The following TMEM163 variants were observed in gnomAD, a reference collection of about 807,000 sequenced individuals.
TMEM163 encodes the protein transmembrane protein 163.
Under a neutral mutation model 29.3 loss-of-function variants are expected in TMEM163, and 17 were observed. The observed-to-expected ratio is 0.58, with a 90% confidence interval of 0.40 to 0.87. TMEM163 has a LOEUF of 0.87. TMEM163 is among the 40% of genes least tolerant of loss of function. The pLI, the probability that TMEM163 is intolerant of heterozygous loss-of-function variation, is 0.00. For synonymous variants in TMEM163, 157 were observed against 160.6 expected, an observed-to-expected ratio of 0.98 and a Z score of 0.17; for missense variants, 303 against 381.5, an observed-to-expected ratio of 0.79 and a Z score of 1.71.
chr2:134,580,597 G>T (rs1338455662), intron 2 of TMEM163, among the ~76,000 whole-genome samples: 1 of 152,102 alleles, frequency 6.6e-6, no homozygotes, highest in Non-Finnish European at 1.5e-5. Context: ...ATTAGCCCAA[G>T]ATCAATGCAA....
At chr2:134,554,409 C>T (rs977678148) in intron 2 of TMEM163, among the ~76,000 whole-genome samples, 6 of 122,186 alleles carry the variant, frequency 4.9e-5, no homozygotes, top group East Asian at 4.7e-4. Flanking sequence ...GGTGACAGAG[C>T]GAGACCCCAT....
At chr2:134,524,049 C>T (rs180873988) in intron 4 of TMEM163, among the ~76,000 whole-genome samples, 1 of 152,166 alleles carries the variant, frequency 6.6e-6, no homozygotes, top group Non-Finnish European at 1.5e-5. Flanking sequence ...TATTTTAGAG[C>T]CTTGCAACCC....
chr2:134,637,716 C>T (rs1683134837), intron 2 of TMEM163, among the ~76,000 whole-genome samples: 1 of 152,172 alleles, frequency 6.6e-6, no homozygotes, highest in Non-Finnish European at 1.5e-5. Flanking sequence ...CACCATCACT[C>T]ACCAATTCAC....
chr2:134,552,463 T>C (rs1680952666), intron 2 of TMEM163, among the ~76,000 whole-genome samples: 1 of 152,084 alleles, frequency 6.6e-6, no homozygotes, highest in Non-Finnish European at 1.5e-5. Flanking sequence ...TAAGGTGGTG[T>C]GGCTAAGTAA....
At chr2:134,577,056 G>T (rs1294074447) in intron 2 of TMEM163, among the ~76,000 whole-genome samples, 1 of 152,106 alleles carries the variant, frequency 6.6e-6, no homozygotes, top group East Asian at 1.9e-4. Context: ...GTGAATTCCT[G>T]CTCCAACCTT....
chr2:134,591,044 G>A (rs1387563593), intron 2 of TMEM163, among the ~76,000 whole-genome samples: 1 of 152,162 alleles, frequency 6.6e-6, no homozygotes, highest in African/African-American at 2.4e-5. Flanking sequence ...AGTAACTCAA[G>A]CTAAGGGCCT....
chr2:134,491,370 G>A (rs1423715331), intron 5 of TMEM163, among the ~76,000 whole-genome samples: 1 of 152,084 alleles, frequency 6.6e-6, no homozygotes, highest in Non-Finnish European at 1.5e-5. Flanking sequence ...GGGGTGGGGA[G>A]TTCACCCCAT....
In TMEM163 at chr2:134,552,541, C is replaced by T. The variant is rs145705774; in HGVS notation, c.323-450G>A. On this transcript the variant is annotated intron_variant, in intron 2 of 7. Transcript: ENST00000281924. Reference sequence around the variant, plus strand: ...ACCAGAGTTTAAAATCCAATGTAGACACCAGTAACAGTTGTTTAGAAAAGA... The same window carrying T: ...ACCAGAGTTTAAAATCCAATGTAGATACCAGTAACAGTTGTTTAGAAAAGA... 2.0e-3 allele frequency among the ~76,000 whole-genome samples: 309 copies of T among 151,970 alleles called. 1 individual carries two copies. The highest frequency in any genetic ancestry group is 6.8e-3 in the African/African-American group (280 of 41,410).
At chr2:134,663,254 C>T (rs770804904) in intron 2 of TMEM163, among the ~76,000 whole-genome samples, 1 of 152,214 alleles carries the variant, frequency 6.6e-6, no homozygotes, top group Non-Finnish European at 1.5e-5. Flanking sequence ...TTGCTTAAGG[C>T]AGCTCAGGCT....
intron 2 of TMEM163, among the ~76,000 whole-genome samples, chr2:134,683,104 A>T (rs998750361): frequency 2.0e-5 from 3 of 152,258 alleles, no homozygotes; most frequent in Admixed American, 6.5e-5. Flanking sequence ...GGAGGAGAAG[A>T]TGAATAGGTG....
intron 1 of TMEM163, chr2:134,713,558 G>C (rs1427550581): frequency 3.1e-6 from 2 of 652,850 alleles, no homozygotes. Flanking sequence ...GGTAACAGCA[G>C]CTGTCCTCTT....
intron 2 of TMEM163, among the ~76,000 whole-genome samples, chr2:134,706,157 G>A (rs1684807485): frequency 6.6e-6 from 1 of 152,206 alleles, no homozygotes; most frequent in South Asian, 2.1e-4. Flanking sequence ...GCAAGTCCCT[G>A]TCAATAGAAG....
intron 2 of TMEM163, among the ~76,000 whole-genome samples, chr2:134,667,351 C>A (rs1440237060): frequency 6.6e-6 from 1 of 152,228 alleles, no homozygotes; most frequent in African/African-American, 2.4e-5. Flanking sequence ...TGAGTGCAAA[C>A]TGTGTTTTCC....
chr2:134,489,168 T>C (rs1338409909), intron 5 of TMEM163, among the ~76,000 whole-genome samples: 2 of 152,180 alleles, frequency 1.3e-5, no homozygotes, highest in African/African-American at 4.8e-5. Context: ...AATAAAAAAC[T>C]GGAAACTACC....
intron 6 of TMEM163, among the ~76,000 whole-genome samples, chr2:134,461,933 C>T (rs538890899): frequency 6.6e-6 from 1 of 152,320 alleles, no homozygotes; most frequent in African/African-American, 2.4e-5. Flanking sequence ...GCCCGCCCAC[C>T]TTCCAAAGTG....
At chr2:134,491,534 G>A (rs1477186365) in intron 5 of TMEM163, among the ~76,000 whole-genome samples, 1 of 152,062 alleles carries the variant, frequency 6.6e-6, no homozygotes, top group Non-Finnish European at 1.5e-5. Context: ...GGTACTTCAG[G>A]AGACACTCCG....
At chr2:134,679,276 C>T (rs568272220) in intron 2 of TMEM163, among the ~76,000 whole-genome samples, 1 of 152,342 alleles carries the variant, frequency 6.6e-6, no homozygotes, top group Admixed American at 6.5e-5. Context: ...CCCTGCGGTT[C>T]ATGAATATGT....
chr2:134,672,437 C>G (rs892378463), intron 2 of TMEM163, among the ~76,000 whole-genome samples: 2 of 152,164 alleles, frequency 1.3e-5, no homozygotes, highest in Non-Finnish European at 2.9e-5. Flanking sequence ...TACACAGGGT[C>G]TCACTCTGTT....
At chr2:134,528,638 G>T (rs1680346043) in intron 4 of TMEM163, among the ~76,000 whole-genome samples, 1 of 152,196 alleles carries the variant, frequency 6.6e-6, no homozygotes, top group African/African-American at 2.4e-5. Flanking sequence ...GTGAAAAAAA[G>T]TTGTAATGAT....
Sources: gnomAD v4.1 joint callset for allele counts (sites outside exome capture counted in the v4.1 genomes callset) on GRCh38, gnomAD v4.1.1 for gene constraint, MANE v1.5 for transcripts, NCBI Gene and HGNC (gene_info 2026-07-23, HGNC 2026-07-21) for gene names.